DLG2: variants seen among roughly 807,000 people sequenced by gnomAD.
DLG2 encodes the protein disks large homolog 2.
DLG2 carries 45 observed loss-of-function variants against 132.5 expected under a neutral mutation model. That is an observed-to-expected ratio of 0.34 (90% confidence interval 0.27 to 0.44). The LOEUF (loss-of-function observed/expected upper bound fraction) is 0.44, where lower values mean the gene tolerates loss of function less well. Ranked by LOEUF, DLG2 falls within the 20% of genes least tolerant of loss-of-function variation. The probability of loss-of-function intolerance (pLI) is 1.00; values close to 1 mark genes in which losing one functional copy is unlikely to be tolerated. For missense variants in DLG2, 1,045 were observed against 1,196.9 expected, an observed-to-expected ratio of 0.87 and a Z score of 1.87; for synonymous variants, 424 against 419.6, an observed-to-expected ratio of 1.01 and a Z score of -0.13.
At chr11:83,895,720 G>C (rs2071451593) in intron 15 of DLG2, among the ~76,000 whole-genome samples, 1 of 152,148 alleles carries the variant, frequency 6.6e-6, no homozygotes, top group African/African-American at 2.4e-5. Flanking sequence ...TGCACACTCA[G>C]ATTCAGGAAA....
intron 6 of DLG2, among the ~76,000 whole-genome samples, chr11:84,704,894 ATATATACACATATATATACATTATG>A (rs1432834277): frequency 1.3e-5 from 2 of 149,012 alleles, no homozygotes; most frequent in Admixed American, 6.8e-5. Context: ...CACATTATGT[ATATATACACATATATATACATTATG>A]TATATACACA....
intron 6 of DLG2, among the ~76,000 whole-genome samples, chr11:84,590,303 A>T (rs533488157): frequency 1.3e-5 from 2 of 152,334 alleles, no homozygotes; most frequent in East Asian, 3.9e-4. Flanking sequence ...AAGAGATCCC[A>T]TTCTTCTCCA....
At chr11:85,277,600 T>C (rs1459249004) in intron 4 of DLG2, among the ~76,000 whole-genome samples, 1 of 152,140 alleles carries the variant, frequency 6.6e-6, no homozygotes, top group Non-Finnish European at 1.5e-5. Flanking sequence ...AACTTCAGCC[T>C]CAGCAAAGTA....
chr11:84,432,982 T>C (rs925272056), intron 7 of DLG2, among the ~76,000 whole-genome samples: 14 of 152,092 alleles, frequency 9.2e-5, no homozygotes, highest in Non-Finnish European at 2.1e-4. Context: ...TGAGATCACA[T>C]CACTGTACTC....
At chr11:84,018,084 T>G (rs924941495) in intron 11 of DLG2, among the ~76,000 whole-genome samples, 5 of 152,006 alleles carry the variant, frequency 3.3e-5, no homozygotes, top group African/African-American at 1.2e-4. Context: ...TATGTTAACG[T>G]TTTTGATTAA....
intron 6 of DLG2, among the ~76,000 whole-genome samples, chr11:84,576,386 A>C (rs1332648830): frequency 6.6e-6 from 1 of 152,240 alleles, no homozygotes; most frequent in East Asian, 1.9e-4. Flanking sequence ...ACAGATGTTT[A>C]GGAAGTCCTG....
chr11:83,505,811 G>A (rs542558109), intron 21 of DLG2, among the ~76,000 whole-genome samples: 1 of 152,306 alleles, frequency 6.6e-6, no homozygotes, highest in African/African-American at 2.4e-5. Context: ...AGGGGCTGTA[G>A]TGCTGCAGCT....
intron 6 of DLG2, among the ~76,000 whole-genome samples, chr11:84,805,312 T>C (rs2075868145): frequency 6.6e-6 from 1 of 151,774 alleles, no homozygotes; most frequent in South Asian, 2.1e-4. Flanking sequence ...CTCCTCCCTT[T>C]CTCCTGCCCC....
chr11:84,258,682 GT>G (rs2097512247), intron 7 of DLG2, among the ~76,000 whole-genome samples: 1 of 152,194 alleles, frequency 6.6e-6, no homozygotes, highest in Non-Finnish European at 1.5e-5. Context: ...GCCACAAGCA[GT>G]TTTTAAACCC....
chr11:85,220,637 A>AAAAAAAATAT (rs371263007), intron 4 of DLG2, among the ~76,000 whole-genome samples: 45 of 148,314 alleles, frequency 3.0e-4, no homozygotes, highest in African/African-American at 1.1e-3. Flanking sequence ...TAGAAAAAAA[A>AAAAAAAATAT]ATATATATAT....
At chr11:83,688,718 G>A (rs116523426) in intron 18 of DLG2, among the ~76,000 whole-genome samples, 305 of 152,284 alleles carry the variant, frequency 2.0e-3, no homozygotes, top group African/African-American at 7.0e-3. Context: ...TGGTATGATT[G>A]TGTGTACCTT....
chr11:83,768,820 T>C (rs1372508868), intron 18 of DLG2, among the ~76,000 whole-genome samples: 1 of 152,182 alleles, frequency 6.6e-6, no homozygotes, highest in Non-Finnish European at 1.5e-5. Context: ...GAGGAATAGG[T>C]GAGGACCCAG....
chr11:85,335,240 G>GC (rs950400094), intron 3 of DLG2, among the ~76,000 whole-genome samples: 1 of 50,738 alleles, frequency 2.0e-5, no homozygotes, highest in African/African-American at 4.7e-5. Context: ...CAGCATCTCT[G>GC]CTTTTTTTTT....
At chr11:84,104,999 C>T (rs1009954879) in intron 9 of DLG2, among the ~76,000 whole-genome samples, 8 of 151,970 alleles carry the variant, frequency 5.3e-5, no homozygotes, top group Non-Finnish European at 1.0e-4. Context: ...TACTTAAAGA[C>T]GTGAAGCAAG....
chr11:85,464,755 G>T (rs538390139), intron 3 of DLG2, among the ~76,000 whole-genome samples: 1 of 151,778 alleles, frequency 6.6e-6, no homozygotes, highest in Non-Finnish European at 1.5e-5. Context: ...AGGCAGTTTA[G>T]TTTGGGAAGA....
intron 3 of DLG2, among the ~76,000 whole-genome samples, chr11:85,511,050 T>C (rs1397994356): frequency 6.6e-6 from 1 of 151,954 alleles, no homozygotes; most frequent in African/African-American, 2.4e-5. Context: ...CCATAAAAAA[T>C]GATGAGTTCA....
chr11:84,008,257 A>T (rs1017660744), intron 11 of DLG2, among the ~76,000 whole-genome samples: 1 of 151,522 alleles, frequency 6.6e-6, no homozygotes, highest in African/African-American at 2.4e-5. Context: ...TTCTTAGTGA[A>T]CTCCCTCCAG....
chr11:83,999,955 A>G (rs1029786937), intron 11 of DLG2, among the ~76,000 whole-genome samples: 12 of 5,860 alleles, frequency 2.0e-3, no homozygotes, highest in African/African-American at 0.016. Context: ...CACTGGAAAC[A>G]TTAAAAAAAA....
intron 6 of DLG2, among the ~76,000 whole-genome samples, chr11:85,097,914 G>A (rs2070159111): frequency 6.6e-6 from 1 of 152,188 alleles, no homozygotes; most frequent in Non-Finnish European, 1.5e-5. Flanking sequence ...CTCTTTAGGG[G>A]TAGAGTAGAA....
Sources: gnomAD v4.1 joint callset for allele counts (sites outside exome capture counted in the v4.1 genomes callset) on GRCh38, gnomAD v4.1.1 for gene constraint, MANE v1.5 for transcripts, NCBI Gene and HGNC (gene_info 2026-07-23, HGNC 2026-07-21) for gene names.